POLR3B: variants seen among roughly 807,000 people sequenced by gnomAD.
POLR3B encodes DNA-directed RNA polymerase III subunit RPC2.
A neutral mutation model predicts 147.4 loss-of-function variants in POLR3B; 96 were observed. The ratio of observed to expected loss-of-function variants is 0.65; its 90% CI spans 0.55 to 0.77. The LOEUF (loss-of-function observed/expected upper bound fraction) is 0.77. Ranked by LOEUF, POLR3B falls within the 30% of genes least tolerant of loss-of-function variation. The probability of loss-of-function intolerance (pLI) is 0.00; values close to 1 mark genes in which losing one functional copy is unlikely to be tolerated. For missense variants in POLR3B, 1,036 were observed against 1,413.5 expected (o/e 0.73, Z 4.28); for synonymous variants, 461 against 485.9 (o/e 0.95, Z 0.67).
At chr12:106,413,482 G>C (rs568885686) in intron 12 of POLR3B, among the ~76,000 whole-genome samples, 2 of 152,110 alleles carry the variant, frequency 1.3e-5, no homozygotes, top group African/African-American at 2.4e-5. Flanking sequence ...GTACCTTATA[G>C]GATTGTTATG....
At position 106,509,758 on chromosome 12, in the gene POLR3B, C is replaced by T; in HGVS notation, c.*209C>T. The stretch of plus-strand genomic sequence containing the variant: ...TGAGCCTCGAGCCATGGGAGAGATG[C>T]TGACCATGTGGACTGCAAGGCTGCT... On this transcript the variant is annotated 3_prime_UTR_variant, in exon 28 of 28. Coordinates refer to ENST00000228347, the MANE Select transcript of POLR3B (RefSeq NM_018082.6). 2.0e-6 allele frequency: 1 copy of T among 496,350 alleles called. No individual in the cohort carries two copies. The highest frequency in any genetic ancestry group is 2.0e-5 in the South Asian group (1 of 49,728). The allele number at this position is 496,350 out of a possible 1,614,324, so 30.7% of individuals were successfully genotyped here.
At position 106,509,771 on chromosome 12, in the gene POLR3B, C is replaced by T; in HGVS notation, c.*222C>T. On this transcript the variant is annotated 3_prime_UTR_variant, in exon 28 of 28. Transcript: ENST00000228347. ...ATGGGAGAGATGCTGACCATGTGGA[C>T]TGCAAGGCTGCTTGATTCACAGATG... The T allele has an allele frequency of 2.1e-6, 1 of 470,582 alleles. No homozygotes were observed. The allele number at this position is 470,582 out of a possible 1,614,324, so 29.2% of individuals were successfully genotyped here. A position where few individuals can be genotyped will look rare whatever the true frequency, so the allele number is the denominator to read the frequency against.
At chr12:106,506,645 A>G (rs2038692923) in intron 27 of POLR3B, among the ~76,000 whole-genome samples, 1 of 152,172 alleles carries the variant, frequency 6.6e-6, no homozygotes, top group Non-Finnish European at 1.5e-5. Flanking sequence ...TTCCGTGTGT[A>G]TTGTATTTGA....
At chr12:106,485,938 T>C (rs550686291) in intron 23 of POLR3B, among the ~76,000 whole-genome samples, 65 of 152,304 alleles carry the variant, frequency 4.3e-4, no homozygotes, top group African/African-American at 1.5e-3. Flanking sequence ...CACTTTTATC[T>C]ATATTTCATC....
intron 23 of POLR3B, among the ~76,000 whole-genome samples, chr12:106,495,376 C>T (rs114404204): frequency 1.0e-3 from 153 of 151,926 alleles, no homozygotes; most frequent in African/African-American, 3.5e-3. Context: ...ATTTGGTATT[C>T]AATTTTCTTG....
At chr12:106,365,840 T>C (rs929608946) in intron 2 of POLR3B, among the ~76,000 whole-genome samples, 6 of 149,376 alleles carry the variant, frequency 4.0e-5, no homozygotes, top group East Asian at 2.0e-4. Flanking sequence ...GCCTGGGCAA[T>C]AGAGCGAGAC....
At chr12:106,358,110 C>T (rs1296286569) in intron 1 of POLR3B, 159 bp downstream of exon 1, 11 of 1,501,978 alleles carry the variant, frequency 7.3e-6, no homozygotes, top group African/African-American at 2.9e-5. Context: ...GTCTTTTTTC[C>T]AGAGCCGGCC....
chr12:106,401,635 C>A (rs7298681), intron 10 of POLR3B, among the ~76,000 whole-genome samples: 3 of 151,620 alleles, frequency 2.0e-5, no homozygotes, highest in African/African-American at 7.3e-5. Flanking sequence ...GACTTCATCC[C>A]TGGGATGCAA....
In POLR3B at chr12:106,504,175, C is replaced by T; in HGVS notation, c.3193C>T (p.Leu1065=). Residue 1065 remains leucine (L), a synonymous_variant, in exon 27 of 28, where the codon CTA becomes TTA. Coordinates refer to ENST00000228347, the MANE Select transcript of POLR3B (RefSeq NM_018082.6). This position sits in a 1 kb window ranked among gnomAD's most constrained non-coding sequence, Gnocchi z 4.6. ...CGGTTATGGAGCCAGTATGCTTTTG[C>T]TAGAGAGACTAATGATTTCAAGTGA... The part of the protein sequence containing the change: ...LIGYGASMLL[L]ERLMISSDAF... 1 of 1,614,026 alleles carries T rather than the reference C, an allele frequency of 6.2e-7. No homozygotes were observed. Among genetic ancestry groups the T allele is most frequent in the Non-Finnish European group, 8.5e-7 (1 of 1,179,858 alleles).
In POLR3B at chr12:106,357,804, G is replaced by A; in HGVS notation, c.-76G>A. ...TTAGGCCTCCGCGCACCGTTCGCCG[G>A]GAGTCTTGCAGTTTGCTTGGTGCAG... On this transcript the variant is annotated 5_prime_UTR_variant, in exon 1 of 28. Transcript: ENST00000228347. 3 of 1,416,468 alleles carry A rather than the reference G, an allele frequency of 2.1e-6. No homozygotes were observed. The highest frequency in any genetic ancestry group is 2.4e-5 in the South Asian group (2 of 82,858). The allele number at this position is 1,416,468 out of a possible 1,614,324, so 87.7% of individuals were successfully genotyped here. A position where few individuals can be genotyped will look rare whatever the true frequency, so the allele number is the denominator to read the frequency against.
rs1593036906 is a variant in POLR3B, at chr12:106,430,125, A to G, written c.1264-148A>G. 10 of 740,138 alleles carry G rather than the reference A, an allele frequency of 1.4e-5. 1 individual carries two copies. In the East Asian group the frequency reaches 2.5e-4, roughly 18 times the overall value. 45.8% of individuals were successfully genotyped at this position (740,138 alleles called of 1,614,324 possible). A position where few individuals can be genotyped will look rare whatever the true frequency, so the allele number is the denominator to read the frequency against. On this transcript the variant is annotated intron_variant, in intron 13 of 27. Coordinates refer to ENST00000228347, the MANE Select transcript of POLR3B (RefSeq NM_018082.6). ...GTGACTTGACTAAACTTTCATTTTA[A>G]TTGTGACACTTTGATTTCTGAATAT...
chr12:106,374,405 G>A (rs1437170915), intron 6 of POLR3B, among the ~76,000 whole-genome samples: 2 of 151,946 alleles, frequency 1.3e-5, no homozygotes, highest in South Asian at 2.1e-4. Flanking sequence ...TTGTAGAGAC[G>A]GGGTTTCGCC....
In POLR3B at chr12:106,457,148, T is replaced by A. The variant is rs2037875610; in HGVS notation, c.2304T>A (p.Arg768=). Residue 768 remains arginine, a synonymous_variant, in exon 21 of 28, where the codon CGT becomes CGA. Coordinates refer to ENST00000228347, the MANE Select transcript of POLR3B (RefSeq NM_018082.6). ...NKASLDRGFG[R]CLVYKNAKCT... ...TTGGTTTCATTTTAGGCTTTGGGCG[T>A]TGCCTTGTATATAAAAATGCTAAAT... is the stretch of plus-strand genomic sequence containing the variant. 6.2e-7 allele frequency: 1 copy of A among 1,613,322 alleles called. No individual in the cohort carries two copies. The highest frequency in any genetic ancestry group is 2.2e-5 in the East Asian group (1 of 44,854).
intron 17 of POLR3B, 75 bp from the exon 18 acceptor site, chr12:106,437,606 G>GTT: frequency 1.2e-6 from 1 of 807,186 alleles, no homozygotes; most frequent in East Asian, 2.6e-5. Context: ...ACGAAAGCCA[G>GTT]TATCTCCTGT....
At chr12:106,410,622 A>G in intron 11 of POLR3B, 1 of 588,124 alleles carries the variant, frequency 1.7e-6, no homozygotes, top group Non-Finnish European at 3.0e-6. Context: ...ACACAGAGGT[A>G]CTCACAGGTT....
In POLR3B at chr12:106,458,745, A is replaced by T. The variant is rs78136805; in HGVS notation, c.2453-506A>T. Among the ~76,000 whole-genome samples, 1,472 of 152,314 alleles carry T rather than the reference A, an allele frequency of 9.7e-3. 23 individuals carry two copies. The highest frequency in any genetic ancestry group is 0.034 in the African/African-American group (1,405 of 41,584). On this transcript the variant is annotated intron_variant, in intron 21 of 27. Coordinates refer to ENST00000228347, the MANE Select transcript of POLR3B (RefSeq NM_018082.6). ...CACTGGTCAGTATGGCTTGGAAAATACGCGCTGTGACAGTACTACAGGTAG... is the reference window on the plus strand; with the variant it reads ...CACTGGTCAGTATGGCTTGGAAAATTCGCGCTGTGACAGTACTACAGGTAG...
At chr12:106,433,052 G>T (rs1216956189) in intron 15 of POLR3B, among the ~76,000 whole-genome samples, 1 of 152,104 alleles carries the variant, frequency 6.6e-6, no homozygotes, top group Non-Finnish European at 1.5e-5. Context: ...TGCTCCATGA[G>T]CTTATCCCTT....
intron 26 of POLR3B, among the ~76,000 whole-genome samples, chr12:106,503,841 C>T (rs1042424376): frequency 5.9e-5 from 9 of 152,284 alleles, no homozygotes; most frequent in African/African-American, 2.2e-4. Context: ...ATTATATATT[C>T]ATTTAACCAT....
At chr12:106,456,789 C>T (rs1233075516) in intron 20 of POLR3B, among the ~76,000 whole-genome samples, 2 of 152,122 alleles carry the variant, frequency 1.3e-5, no homozygotes, top group Non-Finnish European at 2.9e-5. Context: ...TTTCTAAGGG[C>T]CTTTCCAATT....
Sources: allele counts gnomAD v4.1 joint callset (sites outside exome capture counted in the v4.1 genomes callset), GRCh38; gene constraint gnomAD v4.1.1; non-coding constraint Gnocchi (gnomAD v3.1); transcripts MANE v1.5; gene names NCBI Gene and HGNC (gene_info 2026-07-23, HGNC 2026-07-21).